The following CPSF2 variants were observed in gnomAD, a reference collection of about 807,000 sequenced individuals.
CPSF2 encodes the protein cleavage and polyadenylation specific factor 2, also known as cleavage and polyadenylation specificity factor subunit 2.
CPSF2 carries 51 observed loss-of-function variants against 84.2 expected under a neutral mutation model. The observed-to-expected ratio is 0.61, with a 90% CI of 0.48 to 0.77. CPSF2 has a LOEUF of 0.77. Among genes scored for constraint, CPSF2 ranks in the 30% least tolerant of loss-of-function variants. The pLI is 0.00. For synonymous variants in CPSF2, 286 were observed against 311.9 expected, an observed-to-expected ratio of 0.92 and a Z score of 0.87; for missense variants, 641 against 929.4, an observed-to-expected ratio of 0.69 and a Z score of 4.03.
At chr14:92,154,943 A>G (rs754238020) in intron 10 of CPSF2, among the ~76,000 whole-genome samples, 180 bp from the exon 11 acceptor site, 1 of 152,250 alleles carries the variant, frequency 6.6e-6, no homozygotes, top group Non-Finnish European at 1.5e-5. Flanking sequence ...GAAAAGGTAC[A>G]GTAATCTTAT....
chr14:92,123,746 G>C (rs1462530524), intron 1 of CPSF2, among the ~76,000 whole-genome samples: 2 of 152,192 alleles, frequency 1.3e-5, no homozygotes, highest in African/African-American at 4.8e-5. Flanking sequence ...AGATATTTGC[G>C]ATGAAGTAGT....
chr14:92,148,268 C>T (rs1312656896), intron 9 of CPSF2, among the ~76,000 whole-genome samples: 1 of 152,178 alleles, frequency 6.6e-6, no homozygotes, highest in African/African-American at 2.4e-5. Flanking sequence ...TGCTTTATCA[C>T]TTATATACAC....
At chr14:92,154,775 C>T (rs2069267097) in intron 10 of CPSF2, among the ~76,000 whole-genome samples, 1 of 152,168 alleles carries the variant, frequency 6.6e-6, no homozygotes, top group Non-Finnish European at 1.5e-5. Context: ...TATATGTTTA[C>T]ACAAACCTTG....
At chr14:92,159,352 T>G in intron 14 of CPSF2, 70 bp downstream of exon 14, 1 of 1,312,256 alleles carries the variant, frequency 7.6e-7, no homozygotes, top group East Asian at 2.3e-5. Context: ...TGTCTTTTGG[T>G]TTTTTTCCCC....
rs2141495918 is a variant in CPSF2, at chr14:92,170,591, A to G, written c.*8847A>G. On this transcript the variant is annotated 3_prime_UTR_variant, in exon 16 of 16. Transcript: ENST00000298875. The stretch of plus-strand genomic sequence containing the variant: ...CAGGATGAAGCACGCATTTAGTTAC[A>G]TTTTCCCTTTAGTCTTCCTCAATCT... 1 of 152,192 alleles carries G rather than the reference A, an allele frequency of 6.6e-6. No homozygotes were observed. The highest frequency in any genetic ancestry group is 6.5e-5 in the Admixed American group (1 of 15,292). The allele number at this position is 152,192 out of a possible 1,614,324, so 9.4% of individuals were successfully genotyped here.
chr14:92,157,952 A>G lies in CPSF2; in HGVS notation c.1821+68A>G. On this transcript the variant is annotated intron_variant, in intron 13 of 15. Transcript: ENST00000298875. The surrounding 1 kb of genome is among the most constrained non-coding windows in gnomAD (Gnocchi z 4.0). ...TTTGTTGCAGGTTAGGACAGATAAC[A>G]TTAGAAATACCGAGATGTGTGAGAC... 1 of 1,086,262 alleles carries G rather than the reference A, an allele frequency of 9.2e-7. No homozygotes were observed. Among genetic ancestry groups the G allele is most frequent in the Non-Finnish European group, 1.4e-6 (1 of 711,748 alleles). 67.3% of individuals were successfully genotyped at this position (1,086,262 alleles called of 1,614,324 possible). A position where few individuals can be genotyped will look rare whatever the true frequency, so the allele number is the denominator to read the frequency against.
At position 92,154,320 on chromosome 14, in the gene CPSF2, C is replaced by T. The variant is rs2069261009; in HGVS notation, c.1141-38C>T. 5 of 1,432,858 alleles carry T rather than the reference C, an allele frequency of 3.5e-6. No individual in the cohort carries two copies. The African/African-American group carries it at 4.3e-5, about 12-fold the overall frequency. The allele number at this position is 1,432,858 out of a possible 1,614,324, so 88.8% of individuals were successfully genotyped here. A position where few individuals can be genotyped will look rare whatever the true frequency, so the allele number is the denominator to read the frequency against. On this transcript the variant is annotated intron_variant, in intron 9 of 15. Coordinates refer to ENST00000298875, the MANE Select transcript of CPSF2 (RefSeq NM_017437.3). The stretch of plus-strand genomic sequence containing the variant: ...CACTGCTTTAACCCCCTAATATTAA[C>T]ATATTAACATTTCCTTTTGTCTTTT...
Position 92,156,608 on chromosome 14 carries a change from T to C in CPSF2, c.1572T>C (p.Ser524=), listed in dbSNP as rs1486287978. ...DLSDVPTKCI[S]TTESIEIKAR... is the part of the protein sequence containing the mutation. ...CTGATGTTCCTACTAAATGTATTTC[T>C]ACAACAGAGTCTATTGAAATAAAGT... The change falls in exon 12 of 16, where the codon TCT becomes TCC. Residue 524 remains serine (S), a synonymous_variant. Transcript: ENST00000298875. 6.3e-7 allele frequency: 1 copy of C among 1,595,606 alleles called. No individual in the cohort carries two copies.
At chr14:92,149,970 T>A (rs969093418) in intron 9 of CPSF2, among the ~76,000 whole-genome samples, 1 of 152,268 alleles carries the variant, frequency 6.6e-6, no homozygotes, top group East Asian at 1.9e-4. Context: ...AAAGATTTTT[T>A]AAAATAATTT....
chr14:92,146,584 G>A (rs985035746), intron 9 of CPSF2, among the ~76,000 whole-genome samples: 2 of 152,218 alleles, frequency 1.3e-5, no homozygotes, highest in African/African-American at 4.8e-5. Context: ...CAGTACAGTA[G>A]TGTTAACTAT....
chr14:92,130,571 G>T (rs1272264587), intron 2 of CPSF2, among the ~76,000 whole-genome samples: 1 of 152,142 alleles, frequency 6.6e-6, no homozygotes, highest in Non-Finnish European at 1.5e-5. Flanking sequence ...GTTTTTACAT[G>T]TATACTAATA....
intron 7 of CPSF2, among the ~76,000 whole-genome samples, chr14:92,140,748 C>CA (rs568158522): frequency 2.7e-4 from 41 of 149,842 alleles, no homozygotes; most frequent in African/African-American, 9.1e-4. Context: ...CCCATCTCTA[C>CA]AAAAAAAAAG....
chr14:92,135,529 G>T, intron 6 of CPSF2, 33 bp downstream of exon 6: 2 of 1,563,946 alleles, frequency 1.3e-6, no homozygotes, highest in Non-Finnish European at 1.7e-6. Context: ...TAAAGGCAAT[G>T]CAATTGGTAT....
At chr14:92,154,519 G>A in intron 10 of CPSF2, 61 bp downstream of exon 10, 1 of 1,132,754 alleles carries the variant, frequency 8.8e-7, no homozygotes, top group Non-Finnish European at 1.2e-6. Context: ...ATGTGTCCTT[G>A]ACTTAAATGT....
At chr14:92,130,841 T>G in intron 2 of CPSF2, 110 bp from the exon 3 acceptor site, 1 of 677,036 alleles carries the variant, frequency 1.5e-6, no homozygotes, top group Non-Finnish European at 2.3e-6. Flanking sequence ...CTTTTCGTGT[T>G]AATGGAATTT....
chr14:92,132,774 AAAAAAAAAC>A (rs1248642650), intron 3 of CPSF2, among the ~76,000 whole-genome samples: 18 of 150,706 alleles, frequency 1.2e-4, no homozygotes, highest in African/African-American at 4.1e-4. Flanking sequence ...CTCCGTCTCA[AAAAAAAAAC>A]AAAAAAAACA....
intron 1 of CPSF2, among the ~76,000 whole-genome samples, chr14:92,124,926 TTCTAG>T (rs1239765211): frequency 4.6e-5 from 7 of 152,196 alleles, no homozygotes; most frequent in Non-Finnish European, 1.0e-4. Flanking sequence ...GACAGAGCTG[TTCTAG>T]TCTAGACTAG....
intron 9 of CPSF2, among the ~76,000 whole-genome samples, chr14:92,144,122 C>G (rs1244149186): frequency 1.3e-5 from 2 of 152,184 alleles, no homozygotes; most frequent in African/African-American, 4.8e-5. Flanking sequence ...TGCTGATATG[C>G]TGACCCCTCC....
chr14:92,161,365 A>C, intron 15 of CPSF2, 119 bp downstream of exon 15: 1 of 1,212,820 alleles, frequency 8.2e-7, no homozygotes, highest in Non-Finnish European at 1.1e-6. Context: ...ATTTATATTC[A>C]TGATCATGAC....
Sources: allele counts gnomAD v4.1 joint callset (sites outside exome capture counted in the v4.1 genomes callset), GRCh38; gene constraint gnomAD v4.1.1; non-coding constraint Gnocchi (gnomAD v3.1); transcripts MANE v1.5; gene names NCBI Gene and HGNC (gene_info 2026-07-23, HGNC 2026-07-21).